The following SLCO5A1 variants were observed in gnomAD, a reference collection of about 807,000 sequenced individuals.
SLCO5A1 encodes solute carrier organic anion transporter family member 5A1.
Under a neutral mutation model 65.1 loss-of-function variants are expected in SLCO5A1, and 39 were observed. The observed-to-expected ratio is 0.60, with a 90% CI of 0.46 to 0.78. The LOEUF is 0.78. SLCO5A1 is among the 30% of genes least tolerant of loss of function. The pLI is 0.00. For synonymous variants in SLCO5A1, 438 were observed against 415.7 expected (o/e 1.05, Z -0.65); for missense variants, 1,029 against 1,069.4 (o/e 0.96, Z 0.53).
At chr8:69,737,796 G>C (rs1017421591) in intron 5 of SLCO5A1, among the ~76,000 whole-genome samples, 1 of 151,970 alleles carries the variant, frequency 6.6e-6, no homozygotes, top group African/African-American at 2.4e-5. Flanking sequence ...GAGAACCATA[G>C]AAATATAAAT....
chr8:69,682,331 G>T lies in SLCO5A1; in HGVS notation c.1635C>A (p.Thr545=). 6.2e-7 allele frequency: 1 copy of T among 1,603,118 alleles called. No homozygotes were observed. Among genetic ancestry groups the T allele is most frequent in the Non-Finnish European group, 8.5e-7 (1 of 1,175,696 alleles). Residue 545 remains threonine (T), a synonymous_variant, in exon 7 of 10, where the codon ACC becomes ACA. Coordinates refer to ENST00000260126, the MANE Select transcript of SLCO5A1 (RefSeq NM_030958.3). ...TTCCTGTCAGATTCCTATGGGGCATGGTGAGAGAAGGTCTAAGAGAGAAGA... is the reference window on the plus strand; with the variant it reads ...TTCCTGTCAGATTCCTATGGGGCATTGTGAGAGAAGGTCTAAGAGAGAAGA... ...NIPYTTGPSL[T]MPHRNLTGSC...
chr8:69,795,739 G>C (rs899972700), intron 2 of SLCO5A1, among the ~76,000 whole-genome samples: 1 of 152,202 alleles, frequency 6.6e-6, no homozygotes, highest in East Asian at 1.9e-4. Flanking sequence ...TTGTGTGGGG[G>C]CTCCAACCCC....
chr8:69,743,450 CA>C (rs1388864806), intron 4 of SLCO5A1, among the ~76,000 whole-genome samples: 1 of 152,166 alleles, frequency 6.6e-6, no homozygotes, highest in Non-Finnish European at 1.5e-5. Flanking sequence ...ACTCAGGGCT[CA>C]AGCAATCCTC....
At chr8:69,817,611 T>TTGCC (rs1257603603) in intron 2 of SLCO5A1, among the ~76,000 whole-genome samples, 2 of 152,222 alleles carry the variant, frequency 1.3e-5, no homozygotes, top group African/African-American at 2.4e-5. Context: ...CTGGGCTTCC[T>TTGCC]TGCCTGCCAA....
At chr8:69,799,902 T>C (rs878933258) in intron 2 of SLCO5A1, among the ~76,000 whole-genome samples, 1 of 152,202 alleles carries the variant, frequency 6.6e-6, no homozygotes, top group Non-Finnish European at 1.5e-5. Flanking sequence ...CCAAACCATA[T>C]CAAAGGTTGA....
chr8:69,676,771 A>T, intron 8 of SLCO5A1, 98 bp from the exon 9 acceptor site: 1 of 883,658 alleles, frequency 1.1e-6, no homozygotes, highest in Non-Finnish European at 1.8e-6. Context: ...GGGACTAAAG[A>T]TGCCATGCCA....
rs1036008735 is a variant in SLCO5A1, at chr8:69,680,228, C to T, written c.1783-609G>A. Among the ~76,000 whole-genome samples the T allele has an allele frequency of 7.2e-5, 11 of 152,194 alleles. No homozygotes were observed. In the South Asian group the frequency reaches 1.0e-3, roughly 14 times the overall value. On this transcript the variant is annotated intron_variant, in intron 7 of 9. Transcript: ENST00000260126. ...TGCTGAGGTTTGGTGTACAGATGATCCCATCACCCAAATCATGAGCATAGT... is the reference window on the plus strand; with the variant it reads ...TGCTGAGGTTTGGTGTACAGATGATTCCATCACCCAAATCATGAGCATAGT...
intron 2 of SLCO5A1, among the ~76,000 whole-genome samples, chr8:69,824,823 A>C (rs899100896): frequency 6.6e-6 from 1 of 152,206 alleles, no homozygotes; most frequent in Non-Finnish European, 1.5e-5. Flanking sequence ...AGACACAACC[A>C]AAAAAGAGAA....
chr8:69,815,645 T>A (rs1043324500), intron 2 of SLCO5A1, among the ~76,000 whole-genome samples: 4 of 93,290 alleles, frequency 4.3e-5, no homozygotes, highest in African/African-American at 1.8e-4. Flanking sequence ...AGGTAAAATA[T>A]CAACACACAC....
At position 69,710,559 on chromosome 8, in the gene SLCO5A1, T is replaced by C. The variant is rs79373972; in HGVS notation, c.1424-5330A>G. Among the ~76,000 whole-genome samples the C allele has an allele frequency of 3.9e-5, 6 of 152,246 alleles. No homozygotes were observed. In the East Asian group the frequency reaches 1.2e-3, roughly 30 times the overall value. ...CCTCCTCACCAAGAAAACGTATACA[T>C]GCTATCAATGTGATTAATTTACCTT... On this transcript the variant is annotated intron_variant, in intron 5 of 9. Coordinates refer to ENST00000260126, the MANE Select transcript of SLCO5A1 (RefSeq NM_030958.3).
intron 3 of SLCO5A1, chr8:69,761,315 AC>A (rs1462635430): frequency 1.7e-5 from 3 of 180,764 alleles, no homozygotes; most frequent in Non-Finnish European, 3.4e-5. Context: ...CTGGGGAAGA[AC>A]CCATTTCCTT....
At chr8:69,707,308 T>G (rs1253865248) in intron 5 of SLCO5A1, among the ~76,000 whole-genome samples, 2 of 152,140 alleles carry the variant, frequency 1.3e-5, no homozygotes, top group Non-Finnish European at 2.9e-5. Context: ...TGGGAGGGTT[T>G]TACACAAGTG....
intron 2 of SLCO5A1, among the ~76,000 whole-genome samples, chr8:69,784,863 G>GAAAGAAAGAAAGAAAA: frequency 2.3e-5 from 2 of 87,886 alleles, no homozygotes; most frequent in African/African-American, 9.6e-5. Context: ...AAGAAAGAAA[G>GAAAGAAAGAAAGAAAA]GGAAGGAAGG....
At chr8:69,803,883 A>T (rs775017662) in intron 2 of SLCO5A1, among the ~76,000 whole-genome samples, 12 of 152,104 alleles carry the variant, frequency 7.9e-5, no homozygotes, top group Non-Finnish European at 1.6e-4. Flanking sequence ...TTGAGGCTGC[A>T]GTGAGCTATG....
intron 2 of SLCO5A1, among the ~76,000 whole-genome samples, chr8:69,793,774 T>G (rs1819368249): frequency 7.3e-6 from 1 of 137,514 alleles, no homozygotes; most frequent in African/African-American, 2.6e-5. Flanking sequence ...TGAGACTCTG[T>G]CTCTAAATAA....
intron 2 of SLCO5A1, among the ~76,000 whole-genome samples, chr8:69,819,547 C>T (rs894508208): frequency 6.6e-6 from 1 of 152,182 alleles, no homozygotes; most frequent in African/African-American, 2.4e-5. Context: ...TCTCAATTAA[C>T]TCAGAACTCA....
At chr8:69,831,216 T>C (rs1047481117) in intron 2 of SLCO5A1, among the ~76,000 whole-genome samples, 3 of 150,296 alleles carry the variant, frequency 2.0e-5, no homozygotes, top group Non-Finnish European at 4.4e-5. Flanking sequence ...GCTGAGATCA[T>C]GCCATTGCAC....
chr8:69,807,251 T>C (rs781039692), intron 2 of SLCO5A1, among the ~76,000 whole-genome samples: 24 of 152,336 alleles, frequency 1.6e-4, no homozygotes, highest in Admixed American at 9.8e-4. Context: ...TATACATGTA[T>C]GGGTACAATG....
intron 2 of SLCO5A1, among the ~76,000 whole-genome samples, chr8:69,825,345 G>C (rs1288796645): frequency 1.3e-5 from 2 of 152,152 alleles, no homozygotes; most frequent in Non-Finnish European, 2.9e-5. Context: ...AATTGTCCCT[G>C]TTTGCAGATG....
Sources: gnomAD v4.1 joint callset for allele counts (sites outside exome capture counted in the v4.1 genomes callset) on GRCh38, gnomAD v4.1.1 for gene constraint, MANE v1.5 for transcripts, NCBI Gene and HGNC (gene_info 2026-07-23, HGNC 2026-07-21) for gene names.